SNRNP48: variants seen among roughly 807,000 people sequenced by gnomAD.
SNRNP48 encodes U11/U12 small nuclear ribonucleoprotein 48 kDa protein.
In SNRNP48, 43 loss-of-function variants were observed where a neutral mutation model predicts 47.0. The ratio of observed to expected loss-of-function variants is 0.92; its 90% CI spans 0.72 to 1.18. The LOEUF (loss-of-function observed/expected upper bound fraction) is 1.18, where lower values mean the gene tolerates loss of function less well. Among genes scored for constraint, SNRNP48 ranks in the 50% most tolerant of loss-of-function variants. The pLI is 0.00. For synonymous variants in SNRNP48, 138 were observed against 144.0 expected, an observed-to-expected ratio of 0.96 and a Z score of 0.30; for missense variants, 396 against 422.2, an observed-to-expected ratio of 0.94 and a Z score of 0.54.
Position 7,593,396 on chromosome 6 carries a change from G to C in SNRNP48, c.157-338G>C, listed in dbSNP as rs565331290. 3.9e-4 allele frequency among the ~76,000 whole-genome samples: 60 copies of C among 152,214 alleles called. No individual in the cohort carries two copies. In the South Asian group the frequency reaches 0.011, roughly 27 times the overall value. On this transcript the variant is annotated intron_variant, in intron 1 of 8. Coordinates refer to ENST00000342415, the MANE Select transcript of SNRNP48 (RefSeq NM_152551.4). ...ACATGTTTTTGGCTTTAGTAACAAG[G>C]TTATTAGTGACCTATTGACTGGTTT...
intron 8 of SNRNP48, among the ~76,000 whole-genome samples, chr6:7,607,031 C>T (rs946233219): frequency 2.0e-5 from 3 of 152,162 alleles, no homozygotes; most frequent in East Asian, 1.9e-4. Flanking sequence ...AGAACTCTTC[C>T]GTGGCGGTCT....
chr6:7,607,890 T>C (rs1036475089), intron 8 of SNRNP48, among the ~76,000 whole-genome samples: 7 of 152,246 alleles, frequency 4.6e-5, no homozygotes, highest in Admixed American at 1.3e-4. Flanking sequence ...GGTTTAAAGC[T>C]ACCTATGACT....
At chr6:7,606,287 A>AT in intron 8 of SNRNP48, 92 bp downstream of exon 8, 1 of 1,271,666 alleles carries the variant, frequency 7.9e-7, no homozygotes, top group South Asian at 1.7e-5. Context: ...GAGAAAATAG[A>AT]TTTTAAGAAT....
chr6:7,595,861 G>A (rs548194053), intron 4 of SNRNP48, among the ~76,000 whole-genome samples: 1 of 152,304 alleles, frequency 6.6e-6, no homozygotes, highest in African/African-American at 2.4e-5. Flanking sequence ...TTCATGCCCA[G>A]CTTTAGAGCT....
rs3734586 is a variant in SNRNP48 at position 7,601,487 on chromosome 6, C to T, written c.558C>T (p.Ser186=). The T allele has an allele frequency of 0.2, 318,561 of 1,591,264 alleles. 36,973 individuals are homozygous for T. Among genetic ancestry groups the T allele is most frequent in the East Asian group, 0.47 (20,671 of 44,166 alleles). The part of the protein sequence containing the change: ...RSDSQIIEND[S]DLFVDLAAKI... The stretch of plus-strand genomic sequence containing the variant: ...ATTCTCAAATTATTGAAAATGACAG[C>T]GATCTCTTTGTAGACTTGGCTGCCA... Residue 186 remains serine, a synonymous_variant, in exon 5 of 9, where the codon AGC becomes AGT. Coordinates refer to ENST00000342415, the MANE Select transcript of SNRNP48 (RefSeq NM_152551.4).
chr6:7,604,700 A>G (rs1760091072), intron 6 of SNRNP48, among the ~76,000 whole-genome samples: 1 of 152,202 alleles, frequency 6.6e-6, no homozygotes, highest in Non-Finnish European at 1.5e-5. Context: ...TGCAGTGACT[A>G]ACCCTGTGCT....
chr6:7,601,431 G>A lies in SNRNP48; in HGVS notation c.502G>A (p.Val168Ile), dbSNP rs141422613. 1.4e-5 allele frequency: 22 copies of A among 1,604,174 alleles called. No homozygotes were observed. The highest frequency in any genetic ancestry group is 4.5e-5 in the South Asian group (4 of 88,760). The change falls in exon 5 of 9, where the codon GTA becomes ATA. Residue 168 changes from valine to isoleucine, a missense_variant. Transcript: ENST00000342415. ...TGATCGTCTTGCCCTCTATGATTTC[G>A]TAGTTGAGGAGACAAAGAAAAAGCG... ...QADRLALYDF[V>I]VEETKKKRSD...
In SNRNP48 at chr6:7,590,229, C is replaced by A. The variant is rs775926648; in HGVS notation, c.-29C>A. 20 of 1,288,700 alleles carry A rather than the reference C, an allele frequency of 1.6e-5. No homozygotes were observed. Among genetic ancestry groups the A allele is most frequent in the East Asian group, 8.7e-5 (3 of 34,506 alleles). 79.8% of individuals were successfully genotyped at this position (1,288,700 alleles called of 1,614,324 possible). A position where few individuals can be genotyped will look rare whatever the true frequency, so the allele number is the denominator to read the frequency against. Reference sequence around the variant, plus strand: ...CTGCGCGTGCGGTCTGCAGTTCGGCCGCTTCCTCTTGGCGGGTGGGCTGCA... The same window carrying A: ...CTGCGCGTGCGGTCTGCAGTTCGGCAGCTTCCTCTTGGCGGGTGGGCTGCA... On this transcript the variant is annotated 5_prime_UTR_variant, in exon 1 of 9. Transcript: ENST00000342415.
chr6:7,599,190 T>A (rs982943005), intron 4 of SNRNP48, among the ~76,000 whole-genome samples: 7 of 152,210 alleles, frequency 4.6e-5, no homozygotes, highest in Admixed American at 1.3e-4. Context: ...ATTCTGAATT[T>A]GTATCTTTGT....
chr6:7,608,003 G>A (rs1395772633), intron 8 of SNRNP48, among the ~76,000 whole-genome samples: 1 of 151,966 alleles, frequency 6.6e-6, no homozygotes, highest in Admixed American at 6.6e-5. Context: ...AGTAATTTTT[G>A]ACATCTCTAA....
intron 4 of SNRNP48, chr6:7,600,020 T>G: frequency 9.9e-7 from 1 of 1,007,280 alleles, no homozygotes; most frequent in Non-Finnish European, 1.2e-6. Flanking sequence ...TCCCAAATTT[T>G]TATAGCCTAA....
At chr6:7,599,090 G>T (rs544781474) in intron 4 of SNRNP48, among the ~76,000 whole-genome samples, 5 of 152,140 alleles carry the variant, frequency 3.3e-5, no homozygotes, top group African/African-American at 1.2e-4. Flanking sequence ...TATCACTTGT[G>T]AGACTTTGGG....
Position 7,605,379 on chromosome 6 carries a change from G to T in SNRNP48, c.718-19G>T, listed in dbSNP as rs774318647. The T allele has an allele frequency of 1.9e-6, 3 of 1,607,242 alleles. No homozygotes were observed. Among genetic ancestry groups the T allele is most frequent in the Non-Finnish European group, 2.6e-6 (3 of 1,175,418 alleles). On this transcript the variant is annotated intron_variant, in intron 6 of 8. Transcript: ENST00000342415. ...TGAGCAGTTTTCTTACCTGAAGTTC[G>T]GTGCTTACCTCTCCCAAGGTGATTC...
intron 1 of SNRNP48, among the ~76,000 whole-genome samples, chr6:7,591,810 C>G (rs1024491417): frequency 1.3e-5 from 2 of 152,254 alleles, no homozygotes; most frequent in Non-Finnish European, 2.9e-5. Flanking sequence ...GAAGGATACA[C>G]TGCTAGTAAA....
chr6:7,592,096 C>T (rs901450909), intron 1 of SNRNP48, among the ~76,000 whole-genome samples: 5 of 152,018 alleles, frequency 3.3e-5, no homozygotes, highest in African/African-American at 9.7e-5. Flanking sequence ...TTATTGTAGG[C>T]GGTGGTGGAC....
chr6:7,594,714 G>A lies in SNRNP48; in HGVS notation c.332-313G>A, dbSNP rs1028012681. Among the ~76,000 whole-genome samples the A allele has an allele frequency of 2.0e-5, 3 of 152,122 alleles. No homozygotes were observed. The South Asian group carries it at 6.2e-4, about 31-fold the overall frequency. On this transcript the variant is annotated intron_variant, in intron 3 of 8. Coordinates refer to ENST00000342415, the MANE Select transcript of SNRNP48 (RefSeq NM_152551.4). ...GGCACTTAGCTGGAGTCAGCTAGAGGGTCACAGAGTTGTGACCATTACAGC... is the reference window on the plus strand; with the variant it reads ...GGCACTTAGCTGGAGTCAGCTAGAGAGTCACAGAGTTGTGACCATTACAGC...
chr6:7,594,933 G>C (rs1431765014), intron 3 of SNRNP48, 94 bp from the exon 4 acceptor site: 1 of 1,018,520 alleles, frequency 9.8e-7, no homozygotes, highest in South Asian at 1.5e-5. Context: ...GTTTGTCCAC[G>C]TGCCCAAAGG....
At position 7,610,871 on chromosome 6, in the gene SNRNP48, G is replaced by C. The variant is rs1482116024; in HGVS notation, c.*1998G>C. ...ACTGGATGTGAGCTACTTGAGAGCAGGGTTTATGCCTTCATCAGCGTGACC... is the reference window on the plus strand; with the variant it reads ...ACTGGATGTGAGCTACTTGAGAGCACGGTTTATGCCTTCATCAGCGTGACC... On this transcript the variant is annotated 3_prime_UTR_variant, in exon 9 of 9. Transcript: ENST00000342415. 1 of 145,022 alleles carries C rather than the reference G, an allele frequency of 6.9e-6. No homozygotes were observed. The highest frequency in any genetic ancestry group is 1.9e-4 in the East Asian group (1 of 5,154). 9.0% of individuals were successfully genotyped at this position (145,022 alleles called of 1,614,324 possible).
In SNRNP48 at chr6:7,590,403, A is replaced by T. The variant is rs199829988; in HGVS notation, c.146A>T (p.Glu49Val). ...GATAGTCTGGATCCCGGGGAAGAGG[A>T]GGCGGCGGAGGTGAGGAGCGCGGCC... ...DLDSLDPGEEEAAEDEVVICP... is the reference protein window; with the variant it reads ...DLDSLDPGEEVAAEDEVVICP... Residue 49 changes from glutamate to valine, a missense_variant, in exon 1 of 9, where the codon GAG (glutamate) becomes GTG (valine). Physicochemically the swap from Glu to Val is moderately radical, Grantham distance 121. Coordinates refer to ENST00000342415, the MANE Select transcript of SNRNP48 (RefSeq NM_152551.4). 9.0e-4 allele frequency: 1,187 copies of T among 1,316,472 alleles called. 7 individuals carry two copies. Among genetic ancestry groups the T allele is most frequent in the Middle Eastern group, 7.8e-3 (39 of 4,976 alleles). The allele number at this position is 1,316,472 out of a possible 1,614,324, so 81.5% of individuals were successfully genotyped here. A position where few individuals can be genotyped will look rare whatever the true frequency, so the allele number is the denominator to read the frequency against.
Sources: allele counts gnomAD v4.1 joint callset (sites outside exome capture counted in the v4.1 genomes callset), GRCh38; gene constraint gnomAD v4.1.1; transcripts MANE v1.5; gene names NCBI Gene and HGNC (gene_info 2026-07-23, HGNC 2026-07-21).